DTNA: variants seen among roughly 807,000 people sequenced by gnomAD.
DTNA encodes dystrophin-related protein 3.
DTNA carries 43 observed loss-of-function variants against 100.7 expected under a neutral mutation model. That is an observed-to-expected ratio of 0.43 (90% confidence interval 0.33 to 0.55). The LOEUF (loss-of-function observed/expected upper bound fraction) is 0.55. DTNA is among the 20% of genes least tolerant of loss of function. DTNA has a pLI of 0.04. For missense variants in DTNA, 798 were observed against 953.9 expected (o/e 0.84, Z 2.15); for synonymous variants, 349 against 347.9 (o/e 1.00, Z -0.04).
chr18:34,827,708 T>A, intron 10 of DTNA, 32 bp downstream of exon 10: 1 of 1,599,244 alleles, frequency 6.3e-7, no homozygotes, highest in South Asian at 1.1e-5. Flanking sequence ...AAATAAGCCC[T>A]TTCTTTGGTA....
At chr18:34,768,835 A>T (rs941990991) in intron 3 of DTNA, among the ~76,000 whole-genome samples, 2 of 152,200 alleles carry the variant, frequency 1.3e-5, no homozygotes, top group African/African-American at 4.8e-5. Flanking sequence ...GTTGCTCAAA[A>T]TCTAACTGAG....
chr18:34,722,720 G>A (rs781771820), intron 1 of DTNA, among the ~76,000 whole-genome samples: 1 of 151,568 alleles, frequency 6.6e-6, no homozygotes, highest in East Asian at 1.9e-4. Context: ...CCTCCCACCT[G>A]TCCCTCCCCC....
chr18:34,829,512 G>T (rs1417615989), intron 11 of DTNA, 23 bp downstream of exon 11: 2 of 1,494,784 alleles, frequency 1.3e-6, no homozygotes, highest in Admixed American at 4.2e-5. Flanking sequence ...GCCCTGAATT[G>T]CTAATCGTAG....
At chr18:34,868,709 T>TA (rs1464248671) in intron 17 of DTNA, 24 of 985,198 alleles carry the variant, frequency 2.4e-5, no homozygotes, top group Non-Finnish European at 2.8e-5. Flanking sequence ...TGCATGAATT[T>TA]ATCCCTCTCG....
intron 1 of DTNA, among the ~76,000 whole-genome samples, chr18:34,622,058 A>G (rs543583944): frequency 2.6e-5 from 4 of 152,272 alleles, no homozygotes; most frequent in African/African-American, 9.6e-5. Context: ...TTCAGTTAGG[A>G]AGAGTAAGTT....
intron 13 of DTNA, among the ~76,000 whole-genome samples, chr18:34,845,199 T>A (rs2096354789): frequency 6.6e-6 from 1 of 152,148 alleles, no homozygotes; most frequent in East Asian, 1.9e-4. Flanking sequence ...CTTGTATAAT[T>A]TGAACATACT....
chr18:34,766,359 A>G (rs2093467317), intron 3 of DTNA, among the ~76,000 whole-genome samples: 1 of 152,114 alleles, frequency 6.6e-6, no homozygotes, highest in Non-Finnish European at 1.5e-5. Flanking sequence ...TCTTTTCTCT[A>G]ACCTTGGTAT....
chr18:34,514,810 A>T (rs2041432511), intron 1 of DTNA, among the ~76,000 whole-genome samples: 1 of 151,952 alleles, frequency 6.6e-6, no homozygotes, highest in African/African-American at 2.4e-5. Context: ...ACCATTGATG[A>T]AGGTTTTGTC....
intron 1 of DTNA, among the ~76,000 whole-genome samples, chr18:34,681,074 C>T (rs2078034443): frequency 6.6e-6 from 1 of 152,168 alleles, no homozygotes; most frequent in Non-Finnish European, 1.5e-5. Context: ...CCTGAGGCTG[C>T]TGATCTTCAA....
At chr18:34,886,026 G>A (rs1166947181) in intron 22 of DTNA, among the ~76,000 whole-genome samples, 1 of 152,176 alleles carries the variant, frequency 6.6e-6, no homozygotes, top group African/African-American at 2.4e-5. Context: ...AAGGATTCTG[G>A]CTGCACTGGC....
chr18:34,732,918 C>T (rs1227133459), intron 1 of DTNA, among the ~76,000 whole-genome samples: 1 of 152,042 alleles, frequency 6.6e-6, no homozygotes, highest in African/African-American at 2.4e-5. Flanking sequence ...AGGATGAGTC[C>T]GGGGATCCTC....
At chr18:34,883,372 C>T (rs1028481877) in intron 21 of DTNA, among the ~76,000 whole-genome samples, 4 of 151,610 alleles carry the variant, frequency 2.6e-5, no homozygotes, top group African/African-American at 9.7e-5. Context: ...AGTGCAGTTG[C>T]CCAATCATAG....
chr18:34,668,571 A>C (rs1265719852), intron 1 of DTNA, among the ~76,000 whole-genome samples: 2 of 152,070 alleles, frequency 1.3e-5, no homozygotes, highest in African/African-American at 2.4e-5. Flanking sequence ...TTAGTGCTAT[A>C]AATTTCCCTC....
chr18:34,527,741 T>C (rs964360186), intron 1 of DTNA, among the ~76,000 whole-genome samples: 7 of 152,144 alleles, frequency 4.6e-5, no homozygotes, highest in African/African-American at 1.4e-4. Flanking sequence ...GAGAAAATCA[T>C]TGGTAAGACC....
intron 1 of DTNA, among the ~76,000 whole-genome samples, chr18:34,578,708 A>G (rs1337926040): frequency 6.6e-6 from 1 of 152,062 alleles, no homozygotes; most frequent in Non-Finnish European, 1.5e-5. Flanking sequence ...TCCCAGCACC[A>G]TTTGTTAAAT....
chr18:34,617,815 C>T (rs2055627041), intron 1 of DTNA, among the ~76,000 whole-genome samples: 1 of 152,112 alleles, frequency 6.6e-6, no homozygotes, highest in South Asian at 2.1e-4. Context: ...AAGACTACAG[C>T]ATAATGTAAA....
intron 1 of DTNA, among the ~76,000 whole-genome samples, chr18:34,567,131 A>G (rs959995831): frequency 2.0e-5 from 3 of 152,192 alleles, no homozygotes; most frequent in Non-Finnish European, 4.4e-5. Context: ...AAATTTTTGA[A>G]TTAGTCACAA....
At chr18:34,805,635 C>T (rs1243137377) in intron 4 of DTNA, among the ~76,000 whole-genome samples, 4 of 152,046 alleles carry the variant, frequency 2.6e-5, no homozygotes. Flanking sequence ...AGAGCTTTTA[C>T]TTTTGCCCCT....
intron 1 of DTNA, among the ~76,000 whole-genome samples, chr18:34,702,793 C>CA (rs995891463): frequency 1.1e-4 from 17 of 151,246 alleles, no homozygotes; most frequent in Admixed American, 1.1e-3. Context: ...AAATTTATTC[C>CA]AAAAAAAAGA....
Sources: allele counts gnomAD v4.1 joint callset (sites outside exome capture counted in the v4.1 genomes callset), GRCh38; gene constraint gnomAD v4.1.1; transcripts MANE v1.5; gene names NCBI Gene and HGNC (gene_info 2026-07-23, HGNC 2026-07-21).